Variants in TGFBR3 observed in about 807,000 individuals in gnomAD.
TGFBR3 encodes the protein transforming growth factor beta receptor 3.
Under a neutral mutation model 87.9 loss-of-function variants are expected in TGFBR3, and 46 were observed. That is an observed-to-expected ratio of 0.52 (90% CI 0.41 to 0.67). The LOEUF is 0.67. TGFBR3 is among the 30% of genes least tolerant of loss of function. The probability of loss-of-function intolerance (pLI) is 0.00; values close to 1 mark genes in which losing one functional copy is unlikely to be tolerated. For missense variants in TGFBR3, 866 were observed against 1,041.9 expected (o/e 0.83, Z 2.32); for synonymous variants, 381 against 391.6 (o/e 0.97, Z 0.32).
intron 10 of TGFBR3, among the ~76,000 whole-genome samples, chr1:91,717,264 C>A (rs1277537136): frequency 6.6e-6 from 1 of 152,174 alleles, no homozygotes; most frequent in East Asian, 1.9e-4. Flanking sequence ...GAGTCAGCAG[C>A]GAAGGACCTA....
At chr1:91,777,282 T>C (rs1674599789) in intron 3 of TGFBR3, among the ~76,000 whole-genome samples, 1 of 152,158 alleles carries the variant, frequency 6.6e-6, no homozygotes, top group African/African-American at 2.4e-5. Context: ...TCACCTGGCT[T>C]TGAAGACCTG....
chr1:91,739,492 G>C (rs1673077830), intron 4 of TGFBR3, among the ~76,000 whole-genome samples: 1 of 152,078 alleles, frequency 6.6e-6, no homozygotes, highest in Non-Finnish European at 1.5e-5. Context: ...AAATTTTATA[G>C]CACACCTTCT....
At chr1:91,684,366 T>C (rs1671017933) in intron 16 of TGFBR3, among the ~76,000 whole-genome samples, 1 of 152,236 alleles carries the variant, frequency 6.6e-6, no homozygotes, top group Non-Finnish European at 1.5e-5. Context: ...GACTTTGTCC[T>C]AGCTACAGTA....
chr1:91,884,715 T>G (rs1046427469), intron 1 of TGFBR3, among the ~76,000 whole-genome samples: 8 of 152,236 alleles, frequency 5.3e-5, no homozygotes, highest in Admixed American at 2.6e-4. Flanking sequence ...GCTGTGAGGA[T>G]TAAGTGCACA....
At position 91,727,693 on chromosome 1, in the gene TGFBR3, T is replaced by C. The variant is rs1210920815; in HGVS notation, c.851A>G (p.Lys284Arg). Residue 284 changes from lysine to arginine, a missense_variant, in exon 7 of 17, where the codon AAA becomes AGA. Transcript: ENST00000212355. ...CAGGCTTCCCTTAACATCAAAAGATTTGATCACCCAGTTGACAGACTTTTT... is the reference window on the plus strand; with the variant it reads ...CAGGCTTCCCTTAACATCAAAAGATCTGATCACCCAGTTGACAGACTTTTT... The part of the protein sequence containing the change: ...KCKKSVNWVI[K>R]SFDVKGSLKI... 6.2e-7 allele frequency: 1 copy of C among 1,614,004 alleles called. No individual in the cohort carries two copies. The highest frequency in any genetic ancestry group is 8.5e-7 in the Non-Finnish European group (1 of 1,180,002).
chr1:91,785,869 T>C (rs940114007), intron 3 of TGFBR3, among the ~76,000 whole-genome samples: 7 of 151,644 alleles, frequency 4.6e-5, no homozygotes, highest in Non-Finnish European at 8.8e-5. Context: ...CGGGCTCAAG[T>C]GATCCTCCTG....
At chr1:91,868,483 G>A (rs1211767329) in intron 1 of TGFBR3, among the ~76,000 whole-genome samples, 1 of 152,102 alleles carries the variant, frequency 6.6e-6, no homozygotes, top group Non-Finnish European at 1.5e-5. Context: ...CCAAATGGTG[G>A]TGAAGCCATT....
chr1:91,888,438 C>T (rs1329654847), upstream of TGFBR3, among the ~76,000 whole-genome samples: 1 of 152,192 alleles, frequency 6.6e-6, no homozygotes, highest in East Asian at 1.9e-4. Flanking sequence ...TGAGGTGGCT[C>T]ATGCCTATAA....
At chr1:91,862,335 A>T (rs921680617) in intron 1 of TGFBR3, among the ~76,000 whole-genome samples, 2 of 152,218 alleles carry the variant, frequency 1.3e-5, no homozygotes, top group Non-Finnish European at 2.9e-5. Flanking sequence ...TTAGAGACTC[A>T]ATCTAATGTT....
chr1:91,719,403 T>C lies in TGFBR3; in HGVS notation c.1475A>G (p.Asn492Ser). The change falls in exon 10 of 17, where the codon AAT becomes AGT. Residue 492 changes from asparagine to serine, a missense_variant. Physicochemically the swap from Asn to Ser is conservative, Grantham distance 46. Transcript: ENST00000212355. ...AGACTCCAAAACAAAGTGTGTGCCA[T>C]TCATCTTGGCCTTGCAGGTAGGATC... ...LLDPTCKAKM[N>S]GTHFVLESPL... 6.2e-7 allele frequency: 1 copy of C among 1,614,110 alleles called. No individual in the cohort carries two copies. Among genetic ancestry groups the C allele is most frequent in the Non-Finnish European group, 8.5e-7 (1 of 1,180,016 alleles).
At position 91,865,961 on chromosome 1, in the gene TGFBR3, A is replaced by C. The variant is rs12727153; in HGVS notation, c.-113-4317T>G. 6.7e-3 allele frequency among the ~76,000 whole-genome samples: 1,026 copies of C among 152,276 alleles called. 3 individuals are homozygous for C. The highest frequency in any genetic ancestry group is 0.011 in the Non-Finnish European group (780 of 68,014). The stretch of plus-strand genomic sequence containing the variant: ...TTCTTAGAACTTAATGGGTTTAAAA[A>C]AAAAGCAAACAAATGTGCTGCTAAT... On this transcript the variant is annotated intron_variant, in intron 1 of 16. Coordinates refer to ENST00000212355, the MANE Select transcript of TGFBR3 (RefSeq NM_003243.5).
intron 16 of TGFBR3, among the ~76,000 whole-genome samples, chr1:91,690,598 C>T (rs924030509): frequency 5.3e-5 from 8 of 152,026 alleles, no homozygotes; most frequent in African/African-American, 7.2e-5. Flanking sequence ...TATTTGCATT[C>T]GGGAAAAGCG....
At chr1:91,710,470 A>G (rs1671940081) in intron 13 of TGFBR3, among the ~76,000 whole-genome samples, 1 of 152,170 alleles carries the variant, frequency 6.6e-6, no homozygotes, top group South Asian at 2.1e-4. Context: ...GACCCTGGGC[A>G]AGACACTCTG....
chr1:91,797,597 T>G, intron 2 of TGFBR3, 126 bp from the exon 3 acceptor site: 1 of 990,680 alleles, frequency 1.0e-6, no homozygotes, highest in Non-Finnish European at 1.6e-6. Context: ...GTTCCAAGAC[T>G]AAGTGGCCAA....
At chr1:91,882,970 T>A (rs1444925951) in intron 1 of TGFBR3, among the ~76,000 whole-genome samples, 1 of 152,102 alleles carries the variant, frequency 6.6e-6, no homozygotes, top group East Asian at 1.9e-4. Flanking sequence ...CCTATTGTCT[T>A]GCACTTAGAA....
chr1:91,878,625 C>T (rs1454550022), intron 1 of TGFBR3, among the ~76,000 whole-genome samples: 1 of 152,122 alleles, frequency 6.6e-6, no homozygotes, highest in Non-Finnish European at 1.5e-5. Context: ...AGACCTTCGC[C>T]CAAGGCAATC....
At chr1:91,704,901 A>G (rs1307112935) in intron 14 of TGFBR3, among the ~76,000 whole-genome samples, 7 of 152,240 alleles carry the variant, frequency 4.6e-5, no homozygotes, top group Non-Finnish European at 7.3e-5. Context: ...TGTCAATGCT[A>G]TTGGCAGTGG....
chr1:91,698,517 T>G, intron 14 of TGFBR3, among the ~76,000 whole-genome samples: 1 of 150,068 alleles, frequency 6.7e-6, no homozygotes. Context: ...AATATTCTTT[T>G]TTTTTTTTTT....
intron 2 of TGFBR3, among the ~76,000 whole-genome samples, chr1:91,845,998 CA>C (rs1439191217): frequency 2.6e-5 from 4 of 152,130 alleles, no homozygotes; most frequent in African/African-American, 7.2e-5. Flanking sequence ...TCTCACAAAA[CA>C]AAAATAAACA....
Sources: gnomAD v4.1 joint callset for allele counts (sites outside exome capture counted in the v4.1 genomes callset) on GRCh38, gnomAD v4.1.1 for gene constraint, MANE v1.5 for transcripts, NCBI Gene and HGNC (gene_info 2026-07-23, HGNC 2026-07-21) for gene names.